DNAH11: variants seen among roughly 807,000 people sequenced by gnomAD.
DNAH11 encodes the protein dynein axonemal heavy chain 11.
Under a neutral mutation model 526.0 loss-of-function variants are expected in DNAH11, and 442 were observed. The ratio of observed to expected loss-of-function variants is 0.84; its 90% CI spans 0.78 to 0.91. The LOEUF (loss-of-function observed/expected upper bound fraction) is 0.91. Among genes scored for constraint, DNAH11 ranks in the 40% least tolerant of loss-of-function variants. The probability of loss-of-function intolerance (pLI) is 0.00; values close to 1 mark genes in which losing one functional copy is unlikely to be tolerated. For missense variants in DNAH11, 6,989 were observed against 5,448.7 expected, an observed-to-expected ratio of 1.28 and a Z score of -8.90; for synonymous variants, 2,461 against 1,935.9, an observed-to-expected ratio of 1.27 and a Z score of -7.12.
At chr7:21,763,730 A>T (rs1787035158) in intron 54 of DNAH11, among the ~76,000 whole-genome samples, 1 of 150,284 alleles carries the variant, frequency 6.7e-6, no homozygotes, top group Non-Finnish European at 1.5e-5. Context: ...GTTATTCACG[A>T]TAGCTGAGAT....
At chr7:21,806,500 C>A (rs1789268536) in intron 62 of DNAH11, among the ~76,000 whole-genome samples, 1 of 152,088 alleles carries the variant, frequency 6.6e-6, no homozygotes, top group Non-Finnish European at 1.5e-5. Context: ...CTTTGATAAC[C>A]ATTTTCACAT....
intron 54 of DNAH11, among the ~76,000 whole-genome samples, chr7:21,760,309 A>T (rs1229765035): frequency 6.6e-6 from 1 of 152,164 alleles, no homozygotes; most frequent in Non-Finnish European, 1.5e-5. Flanking sequence ...AGACGCACAC[A>T]CCAAGCCTTA....
intron 25 of DNAH11, among the ~76,000 whole-genome samples, chr7:21,625,470 T>G (rs1339447094): frequency 1.3e-5 from 2 of 152,156 alleles, no homozygotes; most frequent in African/African-American, 4.8e-5. Context: ...ATTCCATTGG[T>G]CGTTTTGTTG....
rs376030129 is a variant in DNAH11 at position 21,897,467 on chromosome 7, T to G, written c.13050-1869T>G. Among the ~76,000 whole-genome samples the G allele has an allele frequency of 2.2e-4, 33 of 152,326 alleles. No homozygotes were observed. In the East Asian group the frequency reaches 4.4e-3, roughly 20 times the overall value. On this transcript the variant is annotated intron_variant, in intron 79 of 81. Coordinates refer to ENST00000409508, the MANE Select transcript of DNAH11 (RefSeq NM_001277115.2). ...TCTTTTCCCTTTATAAATGGCTTCA[T>G]GTTTTCCCCTGGCCATCCAGGGATT...
chr7:21,617,426 C>G (rs16872817), intron 22 of DNAH11, among the ~76,000 whole-genome samples, 193 bp from the exon 23 acceptor site: 120 of 152,298 alleles, frequency 7.9e-4, no homozygotes, highest in Non-Finnish European at 1.6e-3. Context: ...GTGGCTTGTA[C>G]GGAGTGGGCT....
intron 45 of DNAH11, among the ~76,000 whole-genome samples, chr7:21,726,452 C>T (rs775949517): frequency 8.2e-6 from 1 of 122,100 alleles, no homozygotes; most frequent in African/African-American, 3.2e-5. Context: ...CTGATGTGAT[C>T]CCTTTTTAAA....
intron 61 of DNAH11, among the ~76,000 whole-genome samples, chr7:21,792,006 G>A (rs2127989755): frequency 6.6e-6 from 1 of 152,256 alleles, no homozygotes; most frequent in South Asian, 2.1e-4. Flanking sequence ...TTTCAACCAT[G>A]GCAGAAAGCA....
At chr7:21,593,522 G>A (rs1784764165) in intron 14 of DNAH11, among the ~76,000 whole-genome samples, 1 of 152,004 alleles carries the variant, frequency 6.6e-6, no homozygotes, top group African/African-American at 2.4e-5. Context: ...TATGTTAACT[G>A]CAGTAATCTA....
At chr7:21,685,385 A>G (rs557981088) in intron 32 of DNAH11, among the ~76,000 whole-genome samples, 1 of 152,358 alleles carries the variant, frequency 6.6e-6, no homozygotes, top group Admixed American at 6.5e-5. Context: ...ATTAACTTTG[A>G]AATTAGAAGA....
intron 56 of DNAH11, among the ~76,000 whole-genome samples, chr7:21,774,923 G>A (rs573434631): frequency 6.6e-6 from 1 of 152,198 alleles, no homozygotes; most frequent in Admixed American, 6.5e-5. Flanking sequence ...CATCAGGTCA[G>A]ACTCTCATAT....
intron 70 of DNAH11, 135 bp from the exon 71 acceptor site, chr7:21,866,335 A>AAAT: frequency 1.4e-6 from 1 of 702,580 alleles, no homozygotes; most frequent in Non-Finnish European, 2.1e-6. Context: ...AAAAAAAAAA[A>AAAT]GGAAATCTGA....
intron 25 of DNAH11, among the ~76,000 whole-genome samples, chr7:21,621,250 C>A (rs1232583668): frequency 6.6e-6 from 1 of 152,110 alleles, no homozygotes; most frequent in African/African-American, 2.4e-5. Context: ...TCGACACATA[C>A]ACCCTCCCAA....
intron 2 of DNAH11, among the ~76,000 whole-genome samples, chr7:21,556,117 T>C (rs1287803919): frequency 6.6e-6 from 1 of 152,132 alleles, no homozygotes; most frequent in Admixed American, 6.5e-5. Flanking sequence ...GGTGCCTAAG[T>C]TTCATTATCC....
intron 18 of DNAH11, among the ~76,000 whole-genome samples, chr7:21,603,654 G>A (rs1470221953): frequency 6.6e-6 from 1 of 152,158 alleles, no homozygotes; most frequent in Non-Finnish European, 1.5e-5. Flanking sequence ...TTGCAAGCCA[G>A]TTAGACATGG....
intron 55 of DNAH11, among the ~76,000 whole-genome samples, chr7:21,769,889 A>G (rs867061224): frequency 5.3e-5 from 8 of 152,140 alleles, no homozygotes; most frequent in Admixed American, 3.9e-4. Flanking sequence ...CTGCAAGCTC[A>G]TCTAGGAAAT....
In DNAH11 at chr7:21,901,594, GTACATCA is replaced by G. The variant is rs1411887963; in HGVS notation, c.*343_*349del. ...AAAAAAAAAAAAGTACATCATAAAA[GTACATCA>G]TATGTGAACATGCAAAAGCAATGCA... On this transcript the variant is annotated 3_prime_UTR_variant, in exon 82 of 82. Coordinates refer to ENST00000409508, the MANE Select transcript of DNAH11 (RefSeq NM_001277115.2). 1.2e-5 allele frequency: 2 copies of G among 172,224 alleles called. No homozygotes were observed. The highest frequency in any genetic ancestry group is 2.5e-5 in the Non-Finnish European group (2 of 81,488). The allele number at this position is 172,224 out of a possible 1,614,324, so 10.7% of individuals were successfully genotyped here. A position where few individuals can be genotyped will look rare whatever the true frequency, so the allele number is the denominator to read the frequency against.
chr7:21,697,963 T>A, intron 35 of DNAH11, 112 bp from the exon 36 acceptor site: 1 of 1,107,562 alleles, frequency 9.0e-7, no homozygotes, highest in Non-Finnish European at 1.3e-6. Flanking sequence ...GACATAATTA[T>A]GATCTGCTTA....
chr7:21,656,623 T>C (rs1471749714), intron 29 of DNAH11, among the ~76,000 whole-genome samples: 1 of 152,150 alleles, frequency 6.6e-6, no homozygotes, highest in African/African-American at 2.4e-5. Context: ...TTTAGGGGAA[T>C]TGCATCTTTT....
At chr7:21,655,235 T>C (rs1158065340) in intron 28 of DNAH11, among the ~76,000 whole-genome samples, 1 of 152,166 alleles carries the variant, frequency 6.6e-6, no homozygotes, top group Non-Finnish European at 1.5e-5. Context: ...AACTGTCCAC[T>C]TACTTTTAGT....
Sources: gnomAD v4.1 joint callset for allele counts (sites outside exome capture counted in the v4.1 genomes callset) on GRCh38, gnomAD v4.1.1 for gene constraint, MANE v1.5 for transcripts, NCBI Gene and HGNC (gene_info 2026-07-23, HGNC 2026-07-21) for gene names.